Variants in CRPPA observed in about 807,000 individuals in gnomAD.
CRPPA encodes CDP-L-ribitol pyrophosphorylase A.
CRPPA carries 43 observed loss-of-function variants against 52.0 expected under a neutral mutation model. That is an observed-to-expected ratio of 0.83 (90% confidence interval 0.65 to 1.07). The LOEUF (loss-of-function observed/expected upper bound fraction) is 1.07, where lower values mean the gene tolerates loss of function less well. Ranked by LOEUF, CRPPA falls within the 50% of genes least tolerant of loss-of-function variation. The pLI, the probability that CRPPA is intolerant of heterozygous loss-of-function variation, is 0.00. For missense variants in CRPPA, 629 were observed against 551.7 expected (o/e 1.14, Z -1.40); for synonymous variants, 250 against 203.5 (o/e 1.23, Z -1.94).
intron 9 of CRPPA, among the ~76,000 whole-genome samples, chr7:16,118,195 T>C (rs1782415962): frequency 6.6e-6 from 1 of 152,180 alleles, no homozygotes; most frequent in Non-Finnish European, 1.5e-5. Context: ...CCAGCCAATT[T>C]TGGGCGCACC....
At chr7:16,202,911 T>C (rs965366225) in intron 9 of CRPPA, among the ~76,000 whole-genome samples, 15 of 152,160 alleles carry the variant, frequency 9.9e-5, no homozygotes, top group African/African-American at 3.4e-4. Flanking sequence ...TTTCCTTCCT[T>C]GCCTAGGGAA....
chr7:16,331,151 C>T (rs1785543045), intron 3 of CRPPA, among the ~76,000 whole-genome samples: 1 of 152,062 alleles, frequency 6.6e-6, no homozygotes, highest in African/African-American at 2.4e-5. Context: ...AGGCGCACGC[C>T]ACCATGCCCG....
rs79888874 is a variant in CRPPA at position 16,097,949 on chromosome 7, T to C, written c.1252-6150A>G. The stretch of plus-strand genomic sequence containing the variant: ...GCCCATGTCCTCAAAAATCCTTACT[T>C]ACTAACTGTCCCTTTCAATTTTCTC... On this transcript the variant is annotated intron_variant, in intron 9 of 9. Coordinates refer to ENST00000407010, the MANE Select transcript of CRPPA (RefSeq NM_001101426.4). Among the ~76,000 whole-genome samples, 459 of 152,324 alleles carry C rather than the reference T, an allele frequency of 3.0e-3. 2 individuals carry two copies. Among genetic ancestry groups the C allele is most frequent in the Non-Finnish European group, 5.2e-3 (357 of 68,010 alleles).
chr7:16,147,836 T>C (rs1783003255), intron 9 of CRPPA, among the ~76,000 whole-genome samples: 1 of 152,208 alleles, frequency 6.6e-6, no homozygotes, highest in Non-Finnish European at 1.5e-5. Context: ...TATTCATCCA[T>C]ATTTTATAAA....
Position 16,167,400 on chromosome 7 carries a change from T to C in CRPPA, c.1251+48666A>G, listed in dbSNP as rs376819306. Among the ~76,000 whole-genome samples the C allele has an allele frequency of 5.4e-4, 83 of 152,364 alleles. 1 individual carries two copies. The highest frequency in any genetic ancestry group is 1.9e-3 in the African/African-American group (78 of 41,592). Reference sequence around the variant, plus strand: ...TCTCATACTTTCTTTGGATATTTTCTGTCAGAAGGTGCCTATATATAAGAA... The same window carrying C: ...TCTCATACTTTCTTTGGATATTTTCCGTCAGAAGGTGCCTATATATAAGAA... On this transcript the variant is annotated intron_variant, in intron 9 of 9. Coordinates refer to ENST00000407010, the MANE Select transcript of CRPPA (RefSeq NM_001101426.4).
intron 2 of CRPPA, among the ~76,000 whole-genome samples, chr7:16,389,928 A>AAATATATATATAT: frequency 6.7e-5 from 2 of 29,758 alleles, no homozygotes; most frequent in African/African-American, 3.5e-4. Flanking sequence ...AAAAAAAAAA[A>AAATATATATATAT]ATATATATAT....
chr7:16,244,860 A>G (rs940129885), intron 8 of CRPPA, among the ~76,000 whole-genome samples: 8 of 152,196 alleles, frequency 5.3e-5, no homozygotes, highest in African/African-American at 1.4e-4. Context: ...TTTACAATAA[A>G]TGCACTGAAT....
chr7:16,381,192 C>T (rs114938991), intron 2 of CRPPA, among the ~76,000 whole-genome samples: 2,653 of 152,248 alleles, frequency 0.017, 62 homozygotes, highest in African/African-American at 0.048. Flanking sequence ...TATGTTGTTT[C>T]ATTGTTCTGG....
chr7:16,199,525 A>T (rs1164351364), intron 9 of CRPPA, among the ~76,000 whole-genome samples: 5 of 152,088 alleles, frequency 3.3e-5, no homozygotes, highest in Non-Finnish European at 7.4e-5. Context: ...CTAAGTACTA[A>T]CTCTGCGGGA....
intron 9 of CRPPA, among the ~76,000 whole-genome samples, chr7:16,104,797 G>A (rs7785638): frequency 0.33 from 49,405 of 151,068 alleles, 9,239 homozygotes; most frequent in South Asian, 0.52. Context: ...CTACTCAGGA[G>A]GCTGAGGCAG....
At chr7:16,174,551 C>CA (rs1781256016) in intron 9 of CRPPA, among the ~76,000 whole-genome samples, 1 of 152,060 alleles carries the variant, frequency 6.6e-6, no homozygotes, top group Non-Finnish European at 1.5e-5. Context: ...AATTAATAGT[C>CA]GCTGGTCTTT....
At chr7:16,185,632 A>G (rs1457133289) in intron 9 of CRPPA, among the ~76,000 whole-genome samples, 1 of 152,194 alleles carries the variant, frequency 6.6e-6, no homozygotes, top group East Asian at 1.9e-4. Context: ...AAGTCAACTG[A>G]TGATTAAGAG....
chr7:16,113,955 A>G (rs1583365119), intron 9 of CRPPA, among the ~76,000 whole-genome samples: 1 of 152,016 alleles, frequency 6.6e-6, no homozygotes, highest in East Asian at 1.9e-4. Context: ...AATTATAAAT[A>G]AGTAACATCT....
At chr7:16,175,195 G>C (rs1781270401) in intron 9 of CRPPA, among the ~76,000 whole-genome samples, 1 of 152,028 alleles carries the variant, frequency 6.6e-6, no homozygotes. Flanking sequence ...AAAGTATGCT[G>C]GTTAGAAGAC....
intron 9 of CRPPA, among the ~76,000 whole-genome samples, chr7:16,137,830 C>T (rs890171120): frequency 1.3e-5 from 2 of 152,080 alleles, no homozygotes; most frequent in Admixed American, 1.3e-4. Flanking sequence ...ACAACTATAA[C>T]CTTTGCTTTT....
intron 9 of CRPPA, among the ~76,000 whole-genome samples, chr7:16,200,702 G>C (rs927018374): frequency 1.3e-5 from 2 of 152,160 alleles, no homozygotes; most frequent in South Asian, 2.1e-4. Flanking sequence ...TTTTTATAAA[G>C]TGTAAACATT....
intron 9 of CRPPA, among the ~76,000 whole-genome samples, chr7:16,095,787 G>A (rs548537263): frequency 8.0e-4 from 121 of 152,138 alleles, no homozygotes; most frequent in Non-Finnish European, 1.6e-3. Flanking sequence ...ATTTCTGCAG[G>A]CAGCATGCCT....
chr7:16,371,349 T>C (rs1199424185), intron 3 of CRPPA, among the ~76,000 whole-genome samples: 1 of 151,950 alleles, frequency 6.6e-6, no homozygotes, highest in African/African-American at 2.4e-5. Context: ...TCAAACCCCA[T>C]AGGAGACATT....
chr7:16,397,471 CAT>C (rs1307241069), intron 2 of CRPPA, among the ~76,000 whole-genome samples: 20 of 152,260 alleles, frequency 1.3e-4, no homozygotes, highest in East Asian at 1.9e-4. Context: ...ACATGTGACT[CAT>C]AGTTGACATA....
Sources: allele counts gnomAD v4.1 joint callset (sites outside exome capture counted in the v4.1 genomes callset), GRCh38; gene constraint gnomAD v4.1.1; transcripts MANE v1.5; gene names NCBI Gene and HGNC (gene_info 2026-07-23, HGNC 2026-07-21).